The following LRRD1 variants were observed in gnomAD, a reference collection of about 807,000 sequenced individuals.
LRRD1 encodes leucine rich repeats and death domain containing 1.
A neutral mutation model predicts 69.5 loss-of-function variants in LRRD1; 49 were observed. The ratio of observed to expected loss-of-function variants is 0.70; its 90% CI spans 0.56 to 0.89. LRRD1 has a LOEUF of 0.89. Ranked by LOEUF, LRRD1 falls within the 40% of genes least tolerant of loss-of-function variation. LRRD1 has a pLI of 0.00. For synonymous variants in LRRD1, 303 were observed against 338.9 expected (o/e 0.89, Z 1.16); for missense variants, 853 against 956.0 (o/e 0.89, Z 1.42).
rs1279830362 is a variant in LRRD1, at chr7:92,171,271, A to G, written c.-74-5995T>C. 2.6e-5 allele frequency among the ~76,000 whole-genome samples: 4 copies of G among 152,228 alleles called. No individual in the cohort carries two copies. In the South Asian group the frequency reaches 6.2e-4, roughly 24 times the overall value. ...AAAAGTTGTTTTGAAAAGATAAATC[A>G]ACAAACATTTGTCTAGACTAAGAAA... On this transcript the variant is annotated intron_variant, in intron 1 of 5. Transcript: ENST00000458448.
intron 1 of LRRD1, among the ~76,000 whole-genome samples, chr7:92,167,887 AAAAAAAAAAAAAAAAAAAAAAT>A: frequency 7.0e-6 from 1 of 143,144 alleles, no homozygotes; most frequent in South Asian, 2.2e-4. Flanking sequence ...AAAAAAAAAA[AAAAAAAAAAAAAAAAAAAAAAT>A]AAGTTATTCT....
Position 92,163,305 on chromosome 7 carries a change from C to T in LRRD1, c.1898G>A (p.Ser633Asn). ...QLQSLEQLNI[S>N]QIKGRKLTRL... Reference sequence around the variant, plus strand: ...TCTTACCTTTCTCCCTTTTATCTGACTTATATTCAGCTGTTCCAGTGATTG... The same window carrying T: ...TCTTACCTTTCTCCCTTTTATCTGATTTATATTCAGCTGTTCCAGTGATTG... The change falls in exon 2 of 6, where the codon AGT (serine) becomes AAT (asparagine). Residue 633 changes from serine to asparagine, a missense_variant. Ser to Asn is a conservative substitution (Grantham distance 46). Coordinates refer to ENST00000458448, the MANE Select transcript of LRRD1 (RefSeq NM_001161528.2). 6.7e-7 allele frequency: 1 copy of T among 1,487,880 alleles called. No homozygotes were observed. The highest frequency in any genetic ancestry group is 1.4e-5 in the South Asian group (1 of 71,346). The allele number at this position is 1,487,880 out of a possible 1,614,324, so 92.2% of individuals were successfully genotyped here.
chr7:92,148,085 C>T (rs1820374041), intron 4 of LRRD1, among the ~76,000 whole-genome samples: 1 of 152,106 alleles, frequency 6.6e-6, no homozygotes. Context: ...GAACTACAGG[C>T]ACGTGCCACC....
At chr7:92,142,238 G>A (rs150744859), downstream of LRRD1, 811 of 322,202 alleles carry the variant, frequency 2.5e-3, 2 homozygotes, top group Non-Finnish European at 3.6e-3. Context: ...CACCCTGCCC[G>A]GGCTCCACAA....
At chr7:92,148,598 C>G (rs371148162) in intron 4 of LRRD1, among the ~76,000 whole-genome samples, 46 of 152,056 alleles carry the variant, frequency 3.0e-4, no homozygotes, top group African/African-American at 1.0e-3. Flanking sequence ...GGATGCCAAG[C>G]CTGCAATATG....
At chr7:92,150,504 T>G (rs1356340853) in intron 4 of LRRD1, 30 bp downstream of exon 4, 3 of 1,451,112 alleles carry the variant, frequency 2.1e-6, no homozygotes, top group Non-Finnish European at 2.7e-6. Flanking sequence ...AAGAAATGAC[T>G]TGTTAGATAG....
In LRRD1 at chr7:92,173,255, T is replaced by C. The variant is rs377688207; in HGVS notation, c.-75+5752A>G. On this transcript the variant is annotated intron_variant, in intron 1 of 5. Transcript: ENST00000458448. ...GCTATGTAACTACTAGAAGAAAACA[T>C]TGGGGAAACACTTCAGTACATTGGT... 1.1e-4 allele frequency among the ~76,000 whole-genome samples: 16 copies of C among 152,298 alleles called. 1 individual carries two copies. Among genetic ancestry groups the C allele is most frequent in the African/African-American group, 3.9e-4 (16 of 41,546 alleles).
chr7:92,142,816 G>A, downstream of LRRD1: 1 of 435,486 alleles, frequency 2.3e-6, no homozygotes, highest in Non-Finnish European at 4.5e-6. Context: ...GGCTTCAAGA[G>A]TGAAGCTGCA....
At chr7:92,173,994 C>A (rs1789111426) in intron 1 of LRRD1, among the ~76,000 whole-genome samples, 1 of 152,002 alleles carries the variant, frequency 6.6e-6, no homozygotes, top group East Asian at 1.9e-4. Context: ...TATTATTCAG[C>A]CATAAGAAAG....
intron 5 of LRRD1, 135 bp downstream of exon 5, chr7:92,145,946 ATG>A (rs1820314187): frequency 2.0e-6 from 1 of 500,726 alleles, no homozygotes; most frequent in African/African-American, 2.0e-5. Flanking sequence ...GATCACAAAC[ATG>A]TAATAAACTA....
chr7:92,155,404 T>C (rs910781215), intron 3 of LRRD1, among the ~76,000 whole-genome samples: 5 of 152,190 alleles, frequency 3.3e-5, no homozygotes, highest in African/African-American at 1.2e-4. Flanking sequence ...GAATTGTTTA[T>C]TTCTGGAATT....
chr7:92,159,232 T>C (rs761998811), intron 2 of LRRD1, 29 bp from the exon 3 acceptor site: 59 of 1,289,646 alleles, frequency 4.6e-5, no homozygotes, highest in Non-Finnish European at 5.7e-5. Flanking sequence ...AATTATACAT[T>C]TATAAATACA....
chr7:92,171,516 C>T (rs540655087), intron 1 of LRRD1, among the ~76,000 whole-genome samples: 1 of 152,192 alleles, frequency 6.6e-6, no homozygotes, highest in East Asian at 1.9e-4. Flanking sequence ...TGAGAAATGA[C>T]ATCAAATCTG....
chr7:92,143,997 A>G (rs1820245880), downstream of LRRD1, among the ~76,000 whole-genome samples: 1 of 152,234 alleles, frequency 6.6e-6, no homozygotes, highest in African/African-American at 2.4e-5. Flanking sequence ...TCAGCTCCAC[A>G]TTGAAATATG....
In LRRD1 at chr7:92,145,065, T is replaced by C; in HGVS notation, c.2406A>G (p.Ser802=). The change falls in exon 6 of 6, where the codon TCA becomes TCG. Residue 802 remains serine (S), a synonymous_variant. Coordinates refer to ENST00000458448, the MANE Select transcript of LRRD1 (RefSeq NM_001161528.2). ...ETDMPTKSTV[S]LSERAHQALV... ...GTGCTTGGTGGGCTCTCTCACTTAATGAAACAGTGCTGAAAAACATTATTA... is the reference window on the plus strand; with the variant it reads ...GTGCTTGGTGGGCTCTCTCACTTAACGAAACAGTGCTGAAAAACATTATTA... 6.8e-7 allele frequency: 1 copy of C among 1,461,644 alleles called. No homozygotes were observed. Among genetic ancestry groups the C allele is most frequent in the Non-Finnish European group, 9.1e-7 (1 of 1,096,326 alleles). 90.5% of individuals were successfully genotyped at this position (1,461,644 alleles called of 1,614,324 possible). A position where few individuals can be genotyped will look rare whatever the true frequency, so the allele number is the denominator to read the frequency against.
chr7:92,145,439 CTT>C (rs745661467), intron 5 of LRRD1, among the ~76,000 whole-genome samples: 20 of 129,416 alleles, frequency 1.5e-4, no homozygotes, highest in Admixed American at 1.6e-4. Flanking sequence ...ATACTATATG[CTT>C]TTTTTTTTTT....
At chr7:92,173,074 A>G (rs1789091707) in intron 1 of LRRD1, among the ~76,000 whole-genome samples, 1 of 152,190 alleles carries the variant, frequency 6.6e-6, no homozygotes, top group South Asian at 2.1e-4. Context: ...TGACAATAGC[A>G]CCAAGAACAT....
At chr7:92,158,613 G>A (rs894239147) in intron 3 of LRRD1, among the ~76,000 whole-genome samples, 1 of 152,004 alleles carries the variant, frequency 6.6e-6, no homozygotes, top group Non-Finnish European at 1.5e-5. Flanking sequence ...TCCATGTAAG[G>A]TATTAGAGTA....
intron 3 of LRRD1, among the ~76,000 whole-genome samples, chr7:92,154,209 T>A (rs559151371): frequency 2.0e-5 from 3 of 152,040 alleles, no homozygotes; most frequent in Non-Finnish European, 4.4e-5. Context: ...TTCAGTGTTG[T>A]ATATAAGAAA....
Sources: allele counts gnomAD v4.1 joint callset (sites outside exome capture counted in the v4.1 genomes callset), GRCh38; gene constraint gnomAD v4.1.1; transcripts MANE v1.5; gene names NCBI Gene and HGNC (gene_info 2026-07-23, HGNC 2026-07-21).